Variants in HERC1 observed in about 807,000 individuals in gnomAD.
HERC1 encodes the protein probable E3 ubiquitin-protein ligase HERC1.
In HERC1, 160 loss-of-function variants were observed where a neutral mutation model predicts 554.3. The observed-to-expected ratio is 0.29, with a 90% CI of 0.25 to 0.33. The LOEUF (loss-of-function observed/expected upper bound fraction) is 0.33, where lower values mean the gene tolerates loss of function less well. HERC1 is among the 10% of genes least tolerant of loss of function. The pLI, the probability that HERC1 is intolerant of heterozygous loss-of-function variation, is 1.00. For synonymous variants in HERC1, 2,175 were observed against 2,131.7 expected (o/e 1.02, Z -0.56); for missense variants, 4,919 against 5,918.5 (o/e 0.83, Z 5.54).
chr15:63,755,649 G>A (rs953941903), intron 5 of HERC1, among the ~76,000 whole-genome samples: 5 of 152,046 alleles, frequency 3.3e-5, no homozygotes, highest in African/African-American at 9.7e-5. Flanking sequence ...GCATGGTGGC[G>A]CATGTCTATA....
Position 63,716,293 on chromosome 15 carries a change from T to C in HERC1, c.4150+9A>G. 1 of 1,609,412 alleles carries C rather than the reference T, an allele frequency of 6.2e-7. No homozygotes were observed. The highest frequency in any genetic ancestry group is 8.5e-7 in the Non-Finnish European group (1 of 1,177,654). The stretch of plus-strand genomic sequence containing the variant: ...GTTTGTATCTAGAAAGTAAGAAGGG[T>C]ATACTCACTGCCAGCTGTCATCACT... On this transcript the variant is annotated intron_variant, in intron 22 of 77. Coordinates refer to ENST00000443617, the MANE Select transcript of HERC1 (RefSeq NM_003922.4).
chr15:63,714,339 T>C (rs2073438692), intron 22 of HERC1, among the ~76,000 whole-genome samples: 1 of 152,152 alleles, frequency 6.6e-6, no homozygotes. Context: ...CTAAAGGTCT[T>C]TGCTGAAACA....
At chr15:63,651,413 T>A in intron 52 of HERC1, 33 bp from the exon 53 acceptor site, 2 of 1,586,652 alleles carry the variant, frequency 1.3e-6, no homozygotes, top group Non-Finnish European at 1.7e-6. Flanking sequence ...GCAGTTCTAA[T>A]CCCCATCATT....
chr15:63,789,276 G>A (rs1436860470), intron 1 of HERC1, among the ~76,000 whole-genome samples: 1 of 149,298 alleles, frequency 6.7e-6, no homozygotes, highest in Non-Finnish European at 1.5e-5. Context: ...ATTTTTAGTA[G>A]AGACGGGGTT....
Position 63,692,336 on chromosome 15 carries a change from T to C in HERC1, c.5830+75A>G, listed in dbSNP as rs990015477. The stretch of plus-strand genomic sequence containing the variant: ...ATCAAGGTTACACATGGAGTGTTGC[T>C]AAAGTCTGGCATTATCTTAATAAAA... On this transcript the variant is annotated intron_variant, in intron 31 of 77. Transcript: ENST00000443617. This position sits in a 1 kb window ranked among gnomAD's most constrained non-coding sequence, Gnocchi z 4.7. 5 of 1,185,702 alleles carry C rather than the reference T, an allele frequency of 4.2e-6. No individual in the cohort carries two copies. The African/African-American group carries it at 6.2e-5, about 15-fold the overall frequency. The allele number at this position is 1,185,702 out of a possible 1,614,324, so 73.4% of individuals were successfully genotyped here.
At chr15:63,818,624 C>T (rs562883741) in intron 1 of HERC1, among the ~76,000 whole-genome samples, 85 of 152,206 alleles carry the variant, frequency 5.6e-4, no homozygotes, top group Middle Eastern at 3.4e-3. Context: ...GATTTTATTC[C>T]TTTATATGGC....
At chr15:63,690,166 CAAA>C (rs373716359) in intron 32 of HERC1, among the ~76,000 whole-genome samples, 4 of 77,816 alleles carry the variant, frequency 5.1e-5, no homozygotes, top group Non-Finnish European at 2.5e-5. Flanking sequence ...GACTCCATCT[CAAA>C]AAAAAAAAAA....
chr15:63,732,819 T>C, intron 14 of HERC1, 105 bp downstream of exon 14: 1 of 736,404 alleles, frequency 1.4e-6, no homozygotes. Flanking sequence ...GGGAGAGGGG[T>C]CTAGAGTTTG....
intron 17 of HERC1, among the ~76,000 whole-genome samples, chr15:63,726,133 C>G (rs2074030788): frequency 6.6e-6 from 1 of 152,092 alleles, no homozygotes; most frequent in South Asian, 2.1e-4. Context: ...AGGTGTGCAC[C>G]ACGGTGCCTG....
rs2073676161 is a variant in HERC1 at position 63,718,624 on chromosome 15, A to G, written c.3928T>C (p.Cys1310Arg). ...GTTTGAATAAGTTCAAGGTTCTTGC[A>G]AGCAAGTAAACGACTTCGAACTTTG... ...VYKVRSRLLA[C>R]KNLELIQTRS... Residue 1310 changes from cysteine to arginine, a missense_variant, in exon 21 of 78, where the codon TGC becomes CGC. Around this residue, in one of 11 missense-constraint regions of HERC1, gnomAD observed 1,121 missense variants for 1,244.0 expected, o/e 0.90. Transcript: ENST00000443617. This position sits in a 1 kb window ranked among gnomAD's most constrained non-coding sequence, Gnocchi z 4.2. The G allele has an allele frequency of 2.5e-6, 4 of 1,590,536 alleles. No homozygotes were observed. Among genetic ancestry groups the G allele is most frequent in the Non-Finnish European group, 3.4e-6 (4 of 1,166,444 alleles).
rs146117218 is a variant in HERC1 at position 63,616,409 on chromosome 15, C to G, written c.13941+21G>C. ...TATAGGACGTCAACACCAGTAGAAA[C>G]ATAGACTGGCCAGGATTTACCTCAT... On this transcript the variant is annotated intron_variant, in intron 75 of 77. Coordinates refer to ENST00000443617, the MANE Select transcript of HERC1 (RefSeq NM_003922.4). 2.2e-5 allele frequency: 36 copies of G among 1,606,704 alleles called. No homozygotes were observed. The African/African-American group carries it at 4.4e-4, about 20-fold the overall frequency.
chr15:63,721,168 C>T (rs1391204888), intron 19 of HERC1, among the ~76,000 whole-genome samples: 1 of 152,054 alleles, frequency 6.6e-6, no homozygotes, highest in African/African-American at 2.4e-5. Context: ...CTTTTTTCCT[C>T]CTCATTACTA....
chr15:63,754,861 G>C (rs1332276739), intron 6 of HERC1, among the ~76,000 whole-genome samples: 1 of 152,112 alleles, frequency 6.6e-6, no homozygotes, highest in Non-Finnish European at 1.5e-5. Flanking sequence ...TGAACCATTA[G>C]AATATTCTTT....
At position 63,828,614 on chromosome 15, in the gene HERC1, C is replaced by A. The variant is rs536877868; in HGVS notation, c.-27+5213G>T. 1.5e-4 allele frequency among the ~76,000 whole-genome samples: 23 copies of A among 152,304 alleles called. No individual in the cohort carries two copies. The South Asian group carries it at 4.8e-3, about 32-fold the overall frequency. On this transcript the variant is annotated intron_variant, in intron 1 of 77. Coordinates refer to ENST00000443617, the MANE Select transcript of HERC1 (RefSeq NM_003922.4). The stretch of plus-strand genomic sequence containing the variant: ...TCGGCCTCCCAAAGTGCTGGGATTA[C>A]AGGCATGAGCCACCGCACCCAGCCC...
chr15:63,646,491 T>C lies in HERC1; in HGVS notation c.10879-809A>G, dbSNP rs192147519. Reference sequence around the variant, plus strand: ...AAAAGAAACTAGTATCAAGCAATAGTAGAGGCTAAAAAAAAAAAAAACCAA... The same window carrying C: ...AAAAGAAACTAGTATCAAGCAATAGCAGAGGCTAAAAAAAAAAAAAACCAA... On this transcript the variant is annotated intron_variant, in intron 55 of 77. Transcript: ENST00000443617. 1.2e-3 allele frequency among the ~76,000 whole-genome samples: 177 copies of C among 149,234 alleles called. 1 individual carries two copies. Among genetic ancestry groups the C allele is most frequent in the African/African-American group, 4.3e-3 (175 of 40,714 alleles).
intron 3 of HERC1, among the ~76,000 whole-genome samples, chr15:63,760,208 G>A (rs932091479): frequency 3.3e-5 from 5 of 151,820 alleles, no homozygotes; most frequent in African/African-American, 9.7e-5. Context: ...ACTGGAAAAC[G>A]ACTTTTTTTT....
In HERC1 at chr15:63,727,951, C is replaced by T. The variant is rs146334190; in HGVS notation, c.3155-113G>A. The T allele has an allele frequency of 1.9e-3, 1,415 of 735,660 alleles. 3 individuals carry two copies. Among genetic ancestry groups the T allele is most frequent in the Non-Finnish European group, 2.8e-3 (1,247 of 450,168 alleles). 45.6% of individuals were successfully genotyped at this position (735,660 alleles called of 1,614,324 possible). A position where few individuals can be genotyped will look rare whatever the true frequency, so the allele number is the denominator to read the frequency against. ...ACTAGAGTAGACTCATTCAACAACT[C>T]TCTGTTGAACACCTACCTGGTAGCT... On this transcript the variant is annotated intron_variant, in intron 16 of 77. Transcript: ENST00000443617. This position sits in a 1 kb window ranked among gnomAD's most constrained non-coding sequence, Gnocchi z 4.3.
intron 61 of HERC1, among the ~76,000 whole-genome samples, chr15:63,639,322 T>C (rs2068927965): frequency 6.6e-6 from 1 of 152,248 alleles, no homozygotes; most frequent in African/African-American, 2.4e-5. Context: ...CTTATCACTG[T>C]TACAAATGCC....
chr15:63,793,876 C>A (rs1176905169), intron 1 of HERC1, among the ~76,000 whole-genome samples: 1 of 152,124 alleles, frequency 6.6e-6, no homozygotes, highest in African/African-American at 2.4e-5. Flanking sequence ...GGGCTGCATT[C>A]CCAGACGGTT....
Sources: gnomAD v4.1 joint callset for allele counts (sites outside exome capture counted in the v4.1 genomes callset) on GRCh38, gnomAD v4.1.1 for gene constraint, gnomAD v4.1.1 regional missense constraint, Gnocchi (gnomAD v3.1) non-coding constraint, MANE v1.5 for transcripts, NCBI Gene and HGNC (gene_info 2026-07-23, HGNC 2026-07-21) for gene names.